Variants in IGFBP2 observed in about 807,000 individuals in gnomAD.
IGFBP2 encodes the protein insulin like growth factor binding protein 2.
A neutral mutation model predicts 26.2 loss-of-function variants in IGFBP2; 12 were observed. That is an observed-to-expected ratio of 0.46 (90% CI 0.29 to 0.74). The LOEUF (loss-of-function observed/expected upper bound fraction) is 0.74. Ranked by LOEUF, IGFBP2 falls within the 30% of genes least tolerant of loss-of-function variation. IGFBP2 has a pLI of 0.09. For missense variants in IGFBP2, 328 were observed against 441.2 expected, an observed-to-expected ratio of 0.74 and a Z score of 2.30; for synonymous variants, 189 against 200.6, an observed-to-expected ratio of 0.94 and a Z score of 0.49.
At chr2:216,636,683 T>C (rs2106186924) in intron 1 of IGFBP2, among the ~76,000 whole-genome samples, 1 of 152,232 alleles carries the variant, frequency 6.6e-6, no homozygotes, top group South Asian at 2.1e-4. Flanking sequence ...TAGAAGTGCC[T>C]AGAAATGTCA....
chr2:216,651,436 G>C (rs1211765000), intron 1 of IGFBP2, among the ~76,000 whole-genome samples: 1 of 152,232 alleles, frequency 6.6e-6, no homozygotes, highest in African/African-American at 2.4e-5. Flanking sequence ...AGCATGCGTG[G>C]TGATTATGAG....
At chr2:216,648,937 A>T (rs1378165635) in intron 1 of IGFBP2, among the ~76,000 whole-genome samples, 6 of 152,194 alleles carry the variant, frequency 3.9e-5, no homozygotes, top group Non-Finnish European at 5.9e-5. Flanking sequence ...AAGAATATTT[A>T]AAAAATGCAG....
At chr2:216,661,268 A>T (rs978439953) in intron 2 of IGFBP2, 33 of 250,550 alleles carry the variant, frequency 1.3e-4, no homozygotes, top group African/African-American at 7.5e-4. Context: ...ACACCTGGCC[A>T]GTTTTGTATT....
At chr2:216,639,049 G>T (rs1407019625) in intron 1 of IGFBP2, among the ~76,000 whole-genome samples, 3 of 113,580 alleles carry the variant, frequency 2.6e-5, no homozygotes, top group South Asian at 2.8e-4. Flanking sequence ...GTCTTGCTCC[G>T]TCGCCCAGGC....
At chr2:216,649,902 G>A (rs540805049) in intron 1 of IGFBP2, among the ~76,000 whole-genome samples, 6 of 152,286 alleles carry the variant, frequency 3.9e-5, no homozygotes, top group Admixed American at 1.3e-4. Flanking sequence ...CCTCCATGAC[G>A]CCAGGCCAGG....
Position 216,664,116 on chromosome 2 carries a change from C to G in IGFBP2, c.*12C>G, listed in dbSNP as rs1317396889. 3.8e-6 allele frequency: 6 copies of G among 1,570,488 alleles called. No individual in the cohort carries two copies. Among genetic ancestry groups the G allele is most frequent in the Non-Finnish European group, 5.2e-6 (6 of 1,155,372 alleles). ...AGCGGATGCAGTAGACCGCAGCCAG[C>G]CGGTGCCTGGCGCCCCTGCCCCCCG... is the stretch of plus-strand genomic sequence containing the variant. On this transcript the variant is annotated 3_prime_UTR_variant, in exon 4 of 4. Coordinates refer to ENST00000233809, the MANE Select transcript of IGFBP2 (RefSeq NM_000597.3). This position sits in a 1 kb window ranked among gnomAD's most constrained non-coding sequence, Gnocchi z 4.6.
Position 216,649,738 on chromosome 2 carries a change from C to A in IGFBP2, c.443-10819C>A, listed in dbSNP as rs139393284. On this transcript the variant is annotated intron_variant, in intron 1 of 3. Transcript: ENST00000233809. The stretch of plus-strand genomic sequence containing the variant: ...ACTGTCTGCCTCAGCCCTGACCCTC[C>A]CCAGGTCTTTGCAATTCCAGGAATG... Among the ~76,000 whole-genome samples the A allele has an allele frequency of 2.8e-3, 419 of 152,290 alleles. 2 individuals are homozygous for A. The highest frequency in any genetic ancestry group is 9.2e-3 in the African/African-American group (381 of 41,560).
chr2:216,655,476 C>T (rs1314512588), intron 1 of IGFBP2, among the ~76,000 whole-genome samples: 2 of 152,164 alleles, frequency 1.3e-5, no homozygotes, highest in African/African-American at 2.4e-5. Flanking sequence ...CCTTGCTTCC[C>T]GGACCTTTGG....
chr2:216,641,990 C>T (rs1329730496), intron 1 of IGFBP2, among the ~76,000 whole-genome samples: 1 of 144,418 alleles, frequency 6.9e-6, no homozygotes. Flanking sequence ...GGTGCCCGAC[C>T]AGGCTTACAT....
At chr2:216,646,646 A>G (rs367547614) in intron 1 of IGFBP2, among the ~76,000 whole-genome samples, 2 of 152,230 alleles carry the variant, frequency 1.3e-5, no homozygotes, top group African/African-American at 2.4e-5. Flanking sequence ...AGGCCTCACA[A>G]TCATGGTGGG....
In IGFBP2 at chr2:216,633,555, C is replaced by T; in HGVS notation, c.32C>T (p.Pro11Leu). The T allele has an allele frequency of 1.0e-6, 1 of 974,044 alleles. No homozygotes were observed. Among genetic ancestry groups the T allele is most frequent in the Non-Finnish European group, 1.2e-6 (1 of 828,894 alleles). 60.3% of individuals were successfully genotyped at this position (974,044 alleles called of 1,614,324 possible). MLPRVGCPAL[P>L]LPPPPLLPLL... ...CCGAGAGTGGGCTGCCCCGCGCTGC[C>T]GCTGCCGCCGCCGCCGCTGCTGCCG... The change falls in exon 1 of 4, where the codon CCG becomes CTG. Residue 11 changes from proline (P) to leucine (L), a missense_variant. Pro to Leu is a moderately conservative substitution (Grantham distance 98). Transcript: ENST00000233809.
In IGFBP2 at chr2:216,633,953, G is replaced by C; in HGVS notation, c.430G>C (p.Glu144Gln). The part of the protein sequence containing the change: ...RRDAEYGASP[E>Q]QVADNGDDHS... Reference sequence around the variant, plus strand: ...GGACGCCGAGTATGGCGCCAGCCCGGAGCAGGTTGCAGGTAACGCGGTCTG... The same window carrying C: ...GGACGCCGAGTATGGCGCCAGCCCGCAGCAGGTTGCAGGTAACGCGGTCTG... Residue 144 changes from glutamate to glutamine, a missense_variant, in exon 1 of 4, where the codon GAG (glutamate) becomes CAG (glutamine). By Grantham distance (29) the Glu-to-Gln change is conservative. Coordinates refer to ENST00000233809, the MANE Select transcript of IGFBP2 (RefSeq NM_000597.3). The C allele has an allele frequency of 1.9e-6, 3 of 1,601,662 alleles. No homozygotes were observed. Among genetic ancestry groups the C allele is most frequent in the Non-Finnish European group, 1.7e-6 (2 of 1,175,314 alleles).
intron 1 of IGFBP2, among the ~76,000 whole-genome samples, chr2:216,637,308 TAGG>T (rs1415101045): frequency 6.6e-6 from 1 of 152,166 alleles, no homozygotes; most frequent in African/African-American, 2.4e-5. Context: ...AGCGCCTGTC[TAGG>T]AGACCAAGCA....
rs958627073 is a variant in IGFBP2, at chr2:216,633,456, G to A, written c.-68G>A. On this transcript the variant is annotated 5_prime_UTR_variant, in exon 1 of 4. Transcript: ENST00000233809. Reference sequence around the variant, plus strand: ...GGAGGAGGCGGCTCCCGCGCTCGCAGGGCCGTGCCACCTGCCCGCCCGCCC... The same window carrying A: ...GGAGGAGGCGGCTCCCGCGCTCGCAAGGCCGTGCCACCTGCCCGCCCGCCC... The A allele has an allele frequency of 2.1e-4, 63 of 301,608 alleles. No homozygotes were observed. Among genetic ancestry groups the A allele is most frequent in the African/African-American group, 1.2e-3 (52 of 44,032 alleles). The allele number at this position is 301,608 out of a possible 1,614,324, so 18.7% of individuals were successfully genotyped here.
chr2:216,654,705 T>C (rs1697886149), intron 1 of IGFBP2, among the ~76,000 whole-genome samples: 1 of 152,248 alleles, frequency 6.6e-6, no homozygotes, highest in African/African-American at 2.4e-5. Flanking sequence ...ATGCATGGTC[T>C]TGTTAAACCA....
At chr2:216,658,971 G>C (rs368057137) in intron 1 of IGFBP2, among the ~76,000 whole-genome samples, 53 of 152,344 alleles carry the variant, frequency 3.5e-4, no homozygotes, top group African/African-American at 1.2e-3. Context: ...GTCTGTGTGG[G>C]GAGAACACGT....
At chr2:216,660,021 T>C (rs145088689) in intron 1 of IGFBP2, among the ~76,000 whole-genome samples, 176 of 152,170 alleles carry the variant, frequency 1.2e-3, no homozygotes, top group African/African-American at 4.1e-3. Context: ...AGCCCGGTGA[T>C]GTCTGTGGCA....
intron 1 of IGFBP2, among the ~76,000 whole-genome samples, chr2:216,656,410 T>C (rs1218036360): frequency 1.3e-5 from 2 of 152,188 alleles, no homozygotes; most frequent in Admixed American, 1.3e-4. Flanking sequence ...ATTTGCTTTA[T>C]ATGGGGCCTG....
chr2:216,654,803 G>A (rs1002773628), intron 1 of IGFBP2, among the ~76,000 whole-genome samples: 1 of 152,154 alleles, frequency 6.6e-6, no homozygotes, highest in African/African-American at 2.4e-5. Context: ...GATCAATAAA[G>A]AAATGGAATG....
Sources: gnomAD v4.1 joint callset for allele counts (sites outside exome capture counted in the v4.1 genomes callset) on GRCh38, gnomAD v4.1.1 for gene constraint, Gnocchi (gnomAD v3.1) non-coding constraint, MANE v1.5 for transcripts, NCBI Gene and HGNC (gene_info 2026-07-23, HGNC 2026-07-21) for gene names.